Variants in STAT4 observed in about 807,000 individuals in gnomAD.
STAT4 encodes the protein signal transducer and activator of transcription 4.
STAT4 carries 42 observed loss-of-function variants against 110.5 expected under a neutral mutation model. The ratio of observed to expected loss-of-function variants is 0.38; its 90% CI spans 0.30 to 0.49. STAT4 has a LOEUF of 0.49. Ranked by LOEUF, STAT4 falls within the 20% of genes least tolerant of loss-of-function variation. The probability of loss-of-function intolerance (pLI) is 0.95; values close to 1 mark genes in which losing one functional copy is unlikely to be tolerated. For synonymous variants in STAT4, 284 were observed against 302.2 expected, an observed-to-expected ratio of 0.94 and a Z score of 0.63; for missense variants, 632 against 887.9, an observed-to-expected ratio of 0.71 and a Z score of 3.66.
At chr2:191,129,146 A>G (rs1698961908) in intron 3 of STAT4, among the ~76,000 whole-genome samples, 1 of 152,220 alleles carries the variant, frequency 6.6e-6, no homozygotes, top group Non-Finnish European at 1.5e-5. Flanking sequence ...CAAAAGGCAT[A>G]CCCAGTAAAA....
intron 13 of STAT4, among the ~76,000 whole-genome samples, chr2:191,055,558 T>C (rs917790842): frequency 2.6e-5 from 4 of 151,678 alleles, no homozygotes; most frequent in African/African-American, 7.3e-5. Context: ...TTTCACCGTG[T>C]TAGCCAGGAT....
chr2:191,077,036 T>C lies in STAT4; in HGVS notation c.274-711A>G, dbSNP rs928482686. On this transcript the variant is annotated intron_variant, in intron 3 of 23. Transcript: ENST00000392320. This position sits in a 1 kb window ranked among gnomAD's most constrained non-coding sequence, Gnocchi z 4.1. ...ATTTGTTTCTGTCCCTATTTGGTAC[T>C]GTTTGTGTCAACTAGCTCATAGCTG... is the stretch of plus-strand genomic sequence containing the variant. Among the ~76,000 whole-genome samples, 5 of 152,242 alleles carry C rather than the reference T, an allele frequency of 3.3e-5. No individual in the cohort carries two copies. The highest frequency in any genetic ancestry group is 3.3e-4 in the Admixed American group (5 of 15,282).
At position 191,117,355 on chromosome 2, in the gene STAT4, A is replaced by G. The variant is rs1294277769; in HGVS notation, c.273+29258T>C. 1.3e-5 allele frequency among the ~76,000 whole-genome samples: 2 copies of G among 152,238 alleles called. No individual in the cohort carries two copies. The highest frequency in any genetic ancestry group is 2.9e-5 in the Non-Finnish European group (2 of 68,034). ...TCAAATTTCAAAGACTTGCCATTGC[A>G]TCTAATTTAGTGCCAACACAAATGT... On this transcript the variant is annotated intron_variant, in intron 3 of 23. Transcript: ENST00000392320. This position sits in a 1 kb window ranked among gnomAD's most constrained non-coding sequence, Gnocchi z 5.2.
rs917330977 is a variant in STAT4 at position 191,131,964 on chromosome 2, C to A, written c.273+14649G>T. 10 of 1,275,334 alleles carry A rather than the reference C, an allele frequency of 7.8e-6. No individual in the cohort carries two copies. In the Middle Eastern group the frequency reaches 8.2e-4, roughly 104 times the overall value. 79.0% of individuals were successfully genotyped at this position (1,275,334 alleles called of 1,614,324 possible). On this transcript the variant is annotated intron_variant, in intron 3 of 23. Coordinates refer to ENST00000392320, the MANE Select transcript of STAT4 (RefSeq NM_003151.4). Reference sequence around the variant, plus strand: ...TGGAGGTGTGTGTTATCTAGATTTACAACTATTCCTGAAGAGAAGACAGCA... The same window carrying A: ...TGGAGGTGTGTGTTATCTAGATTTAAAACTATTCCTGAAGAGAAGACAGCA...
rs147069567 is a variant in STAT4 at position 191,070,325 on chromosome 2, A to G, written c.466-554T>C. ...CCTGGTGATGTTTTCCTGTTCAGAT[A>G]TAATAGTAAATGTCAAGATCTGGGC... On this transcript the variant is annotated intron_variant, in intron 5 of 23. Coordinates refer to ENST00000392320, the MANE Select transcript of STAT4 (RefSeq NM_003151.4). Among the ~76,000 whole-genome samples, 125 of 152,258 alleles carry G rather than the reference A, an allele frequency of 8.2e-4. 1 individual carries two copies. The highest frequency in any genetic ancestry group is 2.9e-3 in the African/African-American group (121 of 41,534).
Position 191,146,568 on chromosome 2 carries a change from G to C in STAT4, c.273+45C>G. ...ATATTTAATTTTTAACTAAATTTAA[G>C]ACTCATATATCCAAATATTTTGGAA... On this transcript the variant is annotated intron_variant, in intron 3 of 23. Transcript: ENST00000392320. This position sits in a 1 kb window ranked among gnomAD's most constrained non-coding sequence, Gnocchi z 4.5. 1 of 1,378,800 alleles carries C rather than the reference G, an allele frequency of 7.3e-7. No homozygotes were observed. The highest frequency in any genetic ancestry group is 9.5e-7 in the Non-Finnish European group (1 of 1,053,070). 85.4% of individuals were successfully genotyped at this position (1,378,800 alleles called of 1,614,324 possible). A position where few individuals can be genotyped will look rare whatever the true frequency, so the allele number is the denominator to read the frequency against.
rs2125470495 is a variant in STAT4 at position 191,150,619 on chromosome 2, G to A, written c.-2+328C>T. On this transcript the variant is annotated intron_variant, in intron 1 of 23. Transcript: ENST00000392320. The surrounding 1 kb of genome is among the most constrained non-coding windows in gnomAD (Gnocchi z 6.4). ...TAAAGTCAGACATCACAGCTCTAGAGAAGCTGGCTAAGAAAGTGAAGAGGG... is the reference window on the plus strand; with the variant it reads ...TAAAGTCAGACATCACAGCTCTAGAAAAGCTGGCTAAGAAAGTGAAGAGGG... Among the ~76,000 whole-genome samples, 1 of 152,314 alleles carries A rather than the reference G, an allele frequency of 6.6e-6. No individual in the cohort carries two copies. The highest frequency in any genetic ancestry group is 2.1e-4 in the South Asian group (1 of 4,828).
chr2:191,089,478 C>A (rs902592239), intron 3 of STAT4, among the ~76,000 whole-genome samples: 4 of 152,142 alleles, frequency 2.6e-5, no homozygotes, highest in African/African-American at 9.7e-5. Flanking sequence ...ATAATACAGC[C>A]ATTTTCAAAA....
chr2:191,084,609 G>A (rs1697583517), intron 3 of STAT4, among the ~76,000 whole-genome samples: 1 of 152,068 alleles, frequency 6.6e-6, no homozygotes, highest in South Asian at 2.1e-4. Context: ...TTTAAGGATT[G>A]TTTTAAGTTA....
rs117274413 is a variant in STAT4 at position 191,052,389 on chromosome 2, G to T, written c.1251+2101C>A. On this transcript the variant is annotated intron_variant, in intron 14 of 23. Transcript: ENST00000392320. ...GCTTAAAATAAAATTAACCCGATTC[G>T]GCAAACCTGGAAAAAAAGGGAAGAA... Among the ~76,000 whole-genome samples the T allele has an allele frequency of 6.5e-3, 993 of 152,154 alleles. 8 individuals are homozygous for T. Among genetic ancestry groups the T allele is most frequent in the East Asian group, 0.027 (142 of 5,188 alleles).
Position 191,113,759 on chromosome 2 carries a change from A to G in STAT4, c.273+32854T>C, listed in dbSNP as rs1698490894. On this transcript the variant is annotated intron_variant, in intron 3 of 23. Coordinates refer to ENST00000392320, the MANE Select transcript of STAT4 (RefSeq NM_003151.4). This position sits in a 1 kb window ranked among gnomAD's most constrained non-coding sequence, Gnocchi z 4.8. ...AATTACGGAAACCAGTATAAAGAAA[A>G]TCTGTGAAAATTCCTTATTTTTTAA... 6.6e-6 allele frequency among the ~76,000 whole-genome samples: 1 copy of G among 152,226 alleles called. No individual in the cohort carries two copies. The highest frequency in any genetic ancestry group is 2.1e-4 in the South Asian group (1 of 4,836).
intron 15 of STAT4, 57 bp downstream of exon 15, chr2:191,041,008 G>T: frequency 1.7e-6 from 2 of 1,179,530 alleles, no homozygotes; most frequent in Non-Finnish European, 2.3e-6. Flanking sequence ...ATCTATTAAT[G>T]CTGACCAATT....
intron 14 of STAT4, among the ~76,000 whole-genome samples, chr2:191,048,925 T>C (rs1271088726): frequency 1.3e-5 from 2 of 151,442 alleles, no homozygotes; most frequent in African/African-American, 4.9e-5. Flanking sequence ...CATCACATTA[T>C]ATGACACTGA....
intron 14 of STAT4, among the ~76,000 whole-genome samples, chr2:191,052,428 G>T (rs537549088): frequency 1.3e-5 from 2 of 152,286 alleles, no homozygotes; most frequent in South Asian, 4.1e-4. Context: ...AAATCATTCT[G>T]ATACGACTGT....
intron 14 of STAT4, among the ~76,000 whole-genome samples, chr2:191,054,126 C>CA (rs1351116378): frequency 0.044 from 2,265 of 50,928 alleles, 53 homozygotes; most frequent in African/African-American, 0.12. Context: ...AGACCCTTCT[C>CA]AAAAAAAAAA....
intron 17 of STAT4, 81 bp downstream of exon 17, chr2:191,036,083 T>C (rs1696035700): frequency 7.5e-6 from 11 of 1,468,452 alleles, no homozygotes; most frequent in Non-Finnish European, 9.2e-6. Flanking sequence ...TTATTATTAG[T>C]AGTAGTAATA....
chr2:191,100,506 C>A (rs905425906), intron 3 of STAT4, among the ~76,000 whole-genome samples: 8 of 152,018 alleles, frequency 5.3e-5, no homozygotes, highest in Non-Finnish European at 1.2e-4. Context: ...TTAAAATGAC[C>A]TTTTCTTTCA....
chr2:191,034,605 GAAAGA>G lies in STAT4; in HGVS notation c.1571-13_1571-9del. ...CACTGTAGCTAGATTGGACTGAAAT[GAAAGA>G]AAAGAATGAAATTTTTCACTGGACA... On this transcript the variant is annotated splice_polypyrimidine_tract_variant and intron_variant, in intron 17 of 23. Transcript: ENST00000392320. 1.2e-6 allele frequency: 2 copies of G among 1,609,602 alleles called. No homozygotes were observed. Among genetic ancestry groups the G allele is most frequent in the Non-Finnish European group, 1.7e-6 (2 of 1,176,120 alleles).
chr2:191,058,208 G>A lies in STAT4; in HGVS notation c.1106C>T (p.Thr369Ile). 1 of 1,613,662 alleles carries A rather than the reference G, an allele frequency of 6.2e-7. No homozygotes were observed. Among genetic ancestry groups the A allele is most frequent in the Non-Finnish European group, 8.5e-7 (1 of 1,179,760 alleles). ...VKASIDKNVS[T>I]LSNRRFVLCG... ...CACAAAGTAAATGTCTTACCTTAGAGTTGAAACATTCCTGTAAAACCAAGA... is the reference window on the plus strand; with the variant it reads ...CACAAAGTAAATGTCTTACCTTAGAATTGAAACATTCCTGTAAAACCAAGA... Residue 369 changes from threonine (T) to isoleucine (I), a missense_variant, in exon 12 of 24, where the codon ACT (threonine) becomes ATT (isoleucine). Around this residue, in one of 4 missense-constraint regions of STAT4, gnomAD observed 488 missense variants for 632.8 expected, o/e 0.77. Coordinates refer to ENST00000392320, the MANE Select transcript of STAT4 (RefSeq NM_003151.4). This position sits in a 1 kb window ranked among gnomAD's most constrained non-coding sequence, Gnocchi z 4.3.
Sources: allele counts gnomAD v4.1 joint callset (sites outside exome capture counted in the v4.1 genomes callset), GRCh38; gene constraint gnomAD v4.1.1; regional missense constraint gnomAD v4.1.1; non-coding constraint Gnocchi (gnomAD v3.1); transcripts MANE v1.5; gene names NCBI Gene and HGNC (gene_info 2026-07-23, HGNC 2026-07-21).